The following CCSER1 variants were observed in gnomAD, a reference collection of about 807,000 sequenced individuals.
CCSER1 encodes coiled-coil serine rich protein 1.
CCSER1 carries 41 observed loss-of-function variants against 82.0 expected under a neutral mutation model. The observed-to-expected ratio is 0.50, with a 90% confidence interval of 0.39 to 0.65. CCSER1 has a LOEUF of 0.65. CCSER1 is among the 30% of genes least tolerant of loss of function. CCSER1 has a pLI of 0.00. For missense variants in CCSER1, 1,119 were observed against 1,064.2 expected (o/e 1.05, Z -0.72); for synonymous variants, 414 against 383.9 (o/e 1.08, Z -0.92).
rs1194943717 is a variant in CCSER1 at position 91,496,187 on chromosome 4, A to G, written c.2218-102385A>G. 3.3e-5 allele frequency among the ~76,000 whole-genome samples: 5 copies of G among 151,618 alleles called. No homozygotes were observed. In the East Asian group the frequency reaches 9.7e-4, roughly 29 times the overall value. On this transcript the variant is annotated intron_variant, in intron 10 of 10. Transcript: ENST00000509176. Reference sequence around the variant, plus strand: ...ACCTCAGACATTTTTATTCATGGGCATGAAGTAAGAGATGAAACAAAATAC... The same window carrying G: ...ACCTCAGACATTTTTATTCATGGGCGTGAAGTAAGAGATGAAACAAAATAC...
intron 5 of CCSER1, among the ~76,000 whole-genome samples, chr4:90,529,959 T>G (rs553264781): frequency 6.6e-6 from 1 of 150,578 alleles, no homozygotes; most frequent in South Asian, 2.1e-4. Flanking sequence ...ATATTTTTTT[T>G]TTCTCTAATG....
chr4:90,624,424 C>T (rs1009847290), intron 5 of CCSER1, among the ~76,000 whole-genome samples: 7 of 152,078 alleles, frequency 4.6e-5, no homozygotes, highest in Non-Finnish European at 8.8e-5. Context: ...TAAAAATATT[C>T]TTACTTTCTC....
intron 1 of CCSER1, among the ~76,000 whole-genome samples, chr4:90,278,898 G>C (rs1728401796): frequency 1.3e-5 from 2 of 152,060 alleles, no homozygotes; most frequent in Non-Finnish European, 2.9e-5. Flanking sequence ...TCTTTCATTG[G>C]TTGTTGGCAA....
At chr4:90,483,268 C>A (rs2153599500) in intron 5 of CCSER1, among the ~76,000 whole-genome samples, 1 of 152,304 alleles carries the variant, frequency 6.6e-6, no homozygotes, top group Non-Finnish European at 1.5e-5. Flanking sequence ...ATGTGTGTCT[C>A]TGCACATGAG....
intron 3 of CCSER1, among the ~76,000 whole-genome samples, chr4:90,361,475 T>A (rs1745362291): frequency 6.6e-6 from 1 of 152,254 alleles, no homozygotes; most frequent in African/African-American, 2.4e-5. Context: ...TGCCTCAAAA[T>A]TGACTTAGAA....
chr4:91,179,285 G>T (rs1011464130), intron 10 of CCSER1, among the ~76,000 whole-genome samples: 1 of 152,048 alleles, frequency 6.6e-6, no homozygotes, highest in African/African-American at 2.4e-5. Context: ...GTGTCTTGGG[G>T]TTACTCTTCT....
intron 8 of CCSER1, among the ~76,000 whole-genome samples, chr4:90,832,545 C>A (rs757858588): frequency 1.3e-5 from 2 of 151,896 alleles, no homozygotes; most frequent in Non-Finnish European, 2.9e-5. Flanking sequence ...CCAATGTGCA[C>A]CATCTTTGAG....
intron 5 of CCSER1, among the ~76,000 whole-genome samples, chr4:90,619,980 A>G (rs1722015870): frequency 6.6e-6 from 1 of 152,116 alleles, no homozygotes; most frequent in African/African-American, 2.4e-5. Flanking sequence ...AGTCACGTCA[A>G]CCTTCTCTTT....
intron 4 of CCSER1, among the ~76,000 whole-genome samples, chr4:90,424,523 C>T (rs1285078082): frequency 2.0e-5 from 3 of 152,104 alleles, no homozygotes; most frequent in Non-Finnish European, 4.4e-5. Flanking sequence ...CCTATAGATG[C>T]ATTTATATAT....
At chr4:90,756,873 C>T (rs1749614442) in intron 7 of CCSER1, among the ~76,000 whole-genome samples, 1 of 152,022 alleles carries the variant, frequency 6.6e-6, no homozygotes, top group South Asian at 2.1e-4. Context: ...GAAAGTATAG[C>T]AGAATGTTAG....
intron 10 of CCSER1, among the ~76,000 whole-genome samples, chr4:91,165,151 T>A (rs1382992796): frequency 2.6e-5 from 4 of 152,186 alleles, no homozygotes; most frequent in African/African-American, 9.7e-5. Context: ...TTGATGCTAT[T>A]CCTTTCTGTT....
chr4:91,492,678 T>A (rs1211317682), intron 10 of CCSER1, among the ~76,000 whole-genome samples: 3 of 152,086 alleles, frequency 2.0e-5, no homozygotes, highest in African/African-American at 7.2e-5. Flanking sequence ...AAAATGTTTA[T>A]GGATTTACAG....
intron 4 of CCSER1, among the ~76,000 whole-genome samples, chr4:90,405,049 G>A (rs899723577): frequency 6.6e-6 from 1 of 152,012 alleles, no homozygotes; most frequent in Admixed American, 6.6e-5. Context: ...TTAGAAGGTC[G>A]ATTATTAAGC....
chr4:90,502,989 C>G (rs921579392), intron 5 of CCSER1, among the ~76,000 whole-genome samples: 2 of 152,120 alleles, frequency 1.3e-5, no homozygotes, highest in Non-Finnish European at 2.9e-5. Context: ...CATCTAGAAT[C>G]ACCGCTAAGG....
At chr4:91,070,479 G>A (rs185497339) in intron 9 of CCSER1, among the ~76,000 whole-genome samples, 7 of 152,140 alleles carry the variant, frequency 4.6e-5, no homozygotes, top group African/African-American at 1.7e-4. Context: ...CTTTGGCAGG[G>A]GTCCCTAACC....
At chr4:91,593,988 T>C (rs1764398785) in intron 10 of CCSER1, among the ~76,000 whole-genome samples, 1 of 152,130 alleles carries the variant, frequency 6.6e-6, no homozygotes, top group African/African-American at 2.4e-5. Context: ...AATGAACTTA[T>C]TATAATGTGC....
intron 3 of CCSER1, among the ~76,000 whole-genome samples, chr4:90,319,972 G>A (rs1043610550): frequency 6.6e-6 from 1 of 152,050 alleles, no homozygotes; most frequent in Non-Finnish European, 1.5e-5. Context: ...TTGATAACTG[G>A]CATACATTTT....
chr4:91,244,780 G>C (rs1164361238), intron 10 of CCSER1, among the ~76,000 whole-genome samples: 3 of 152,022 alleles, frequency 2.0e-5, no homozygotes, highest in Non-Finnish European at 4.4e-5. Flanking sequence ...CTCACAAAAA[G>C]AATTAAATAA....
intron 9 of CCSER1, among the ~76,000 whole-genome samples, chr4:90,944,345 T>C (rs1215590647): frequency 6.6e-6 from 1 of 152,134 alleles, no homozygotes; most frequent in African/African-American, 2.4e-5. Flanking sequence ...AAAGACCGCA[T>C]TGTCAAATTA....
Sources: allele counts gnomAD v4.1 joint callset (sites outside exome capture counted in the v4.1 genomes callset), GRCh38; gene constraint gnomAD v4.1.1; transcripts MANE v1.5; gene names NCBI Gene and HGNC (gene_info 2026-07-23, HGNC 2026-07-21).